The following ANKRD54 variants were observed in gnomAD, a reference collection of about 807,000 sequenced individuals.
ANKRD54 encodes ankyrin repeat domain 54.
A neutral mutation model predicts 36.2 loss-of-function variants in ANKRD54; 26 were observed. The observed-to-expected ratio is 0.72, with a 90% CI of 0.53 to 1.00. The LOEUF (loss-of-function observed/expected upper bound fraction) is 1.00. ANKRD54 is among the 50% of genes least tolerant of loss of function. ANKRD54 has a pLI of 0.00. For synonymous variants in ANKRD54, 209 were observed against 188.4 expected (o/e 1.11, Z -0.89); for missense variants, 384 against 424.3 (o/e 0.91, Z 0.83).
chr22:37,841,501 G>A (rs1315732388), intron 1 of ANKRD54, among the ~76,000 whole-genome samples: 4 of 150,996 alleles, frequency 2.6e-5, no homozygotes, highest in South Asian at 2.1e-4. Flanking sequence ...ACTCCAGCTC[G>A]GGCAACAGAG....
At position 37,831,803 on chromosome 22, in the gene ANKRD54, C is replaced by A; in HGVS notation, c.*140G>T. On this transcript the variant is annotated 3_prime_UTR_variant, in exon 8 of 8. Coordinates refer to ENST00000215941, the MANE Select transcript of ANKRD54 (RefSeq NM_138797.4). ...AGGCCGTGGAGAGAGAGCATCTCTGCCCCACGGCATCTGCGGGTGAGGGCA... is the reference window on the plus strand; with the variant it reads ...AGGCCGTGGAGAGAGAGCATCTCTGACCCACGGCATCTGCGGGTGAGGGCA... 1.3e-6 allele frequency: 1 copy of A among 792,532 alleles called. No homozygotes were observed. Among genetic ancestry groups the A allele is most frequent in the Non-Finnish European group, 2.0e-6 (1 of 501,986 alleles). 49.1% of individuals were successfully genotyped at this position (792,532 alleles called of 1,614,324 possible).
chr22:37,844,967 A>G (rs1307089486), upstream of ANKRD54, among the ~76,000 whole-genome samples: 1 of 151,922 alleles, frequency 6.6e-6, no homozygotes, highest in African/African-American at 2.4e-5. Flanking sequence ...TCACAAAGGA[A>G]AATGAAGAAG....
chr22:37,844,867 CT>C (rs1481496970), upstream of ANKRD54, among the ~76,000 whole-genome samples: 1 of 151,192 alleles, frequency 6.6e-6, no homozygotes, highest in African/African-American at 2.4e-5. Flanking sequence ...CGCGCCCGGC[CT>C]TTTTTTTTCT....
chr22:37,831,992 G>A lies in ANKRD54; in HGVS notation c.854C>T (p.Ala285Val), dbSNP rs374335758. The part of the protein sequence containing the change: ...EQVDEVTDLL[A>V]SFTSLSLQMQ... ...CTGCAGACTGAGGGAGGTGAAGCTG[G>A]CCAGGAGGTCAGTCACTTCATCCAC... The change falls in exon 8 of 8, where the codon GCC becomes GTC. Residue 285 changes from alanine (A) to valine (V), a missense_variant. Coordinates refer to ENST00000215941, the MANE Select transcript of ANKRD54 (RefSeq NM_138797.4). 1.9e-6 allele frequency: 3 copies of A among 1,613,400 alleles called. No homozygotes were observed. Among genetic ancestry groups the A allele is most frequent in the South Asian group, 1.1e-5 (1 of 90,904 alleles).
intron 7 of ANKRD54, 75 bp from the exon 8 acceptor site, chr22:37,832,092 C>T: frequency 7.0e-7 from 1 of 1,426,370 alleles, no homozygotes; most frequent in Non-Finnish European, 9.7e-7. Context: ...CACAATCCCA[C>T]AGGCACAGAA....
intron 4 of ANKRD54, 53 bp downstream of exon 4, chr22:37,833,631 A>C: frequency 1.3e-6 from 2 of 1,597,604 alleles, no homozygotes; most frequent in Non-Finnish European, 1.7e-6. Flanking sequence ...CTTCATCTAA[A>C]GAGCCTTTCT....
Position 37,840,212 on chromosome 22 carries a change from C to G in ANKRD54, c.351G>C (p.Ser117=), listed in dbSNP as rs780715015. ...EVHALKRLRD[S]ANANDVETVQ... ...CTGTTTCCACATCATTGGCATTGGC[C>G]GAGTCCCTCAGTCTCTTCAGAGCTG... is the stretch of plus-strand genomic sequence containing the variant. The change falls in exon 2 of 8, where the codon TCG becomes TCC. Residue 117 remains serine (S), a synonymous_variant. Transcript: ENST00000215941. The G allele has an allele frequency of 4.0e-5, 64 of 1,613,870 alleles. No homozygotes were observed. Among genetic ancestry groups the G allele is most frequent in the Non-Finnish European group, 5.1e-5 (60 of 1,179,942 alleles).
chr22:37,845,021 CAAA>C (rs10600027), upstream of ANKRD54, among the ~76,000 whole-genome samples: 5,402 of 119,056 alleles, frequency 0.045, 325 homozygotes, highest in African/African-American at 0.14. Flanking sequence ...TCAATGAACG[CAAA>C]AAAAAAAAAA....
chr22:37,839,419 G>A (rs1031760556), intron 2 of ANKRD54, among the ~76,000 whole-genome samples: 9 of 151,528 alleles, frequency 5.9e-5, no homozygotes, highest in Admixed American at 2.6e-4. Flanking sequence ...ACAGAATTTC[G>A]CTCTGTCGCG....
rs1199720069 is a variant in ANKRD54, at chr22:37,844,309, G to A, written c.-71C>T. 6.8e-7 allele frequency: 1 copy of A among 1,473,384 alleles called. No homozygotes were observed. The highest frequency in any genetic ancestry group is 9.1e-7 in the Non-Finnish European group (1 of 1,104,180). The allele number at this position is 1,473,384 out of a possible 1,614,324, so 91.3% of individuals were successfully genotyped here. On this transcript the variant is annotated 5_prime_UTR_variant, in exon 1 of 8. Coordinates refer to ENST00000215941, the MANE Select transcript of ANKRD54 (RefSeq NM_138797.4). ...CCGACCAACGGACCTACTTCCCTCCGCCCTGAGTCGTGCTGTCAGCGAGCT... is the reference window on the plus strand; with the variant it reads ...CCGACCAACGGACCTACTTCCCTCCACCCTGAGTCGTGCTGTCAGCGAGCT...
At chr22:37,848,161 C>T (rs1924949363), upstream of ANKRD54, 1 of 152,676 alleles carries the variant, frequency 6.5e-6, no homozygotes, top group Admixed American at 6.5e-5. Flanking sequence ...GGGCAGATGG[C>T]TAAACTAAGG....
chr22:37,831,894 G>A lies in ANKRD54; in HGVS notation c.*49C>T. 1 of 1,588,690 alleles carries A rather than the reference G, an allele frequency of 6.3e-7. No homozygotes were observed. Among genetic ancestry groups the A allele is most frequent in the Non-Finnish European group, 8.6e-7 (1 of 1,160,720 alleles). ...TGGGCTTTTTCTTGGTACTGAGACA[G>A]CAGTGGGGCAGGGTGGGGCAGTGGC... is the stretch of plus-strand genomic sequence containing the variant. On this transcript the variant is annotated 3_prime_UTR_variant, in exon 8 of 8. Transcript: ENST00000215941.
chr22:37,843,398 G>C (rs1924525694), intron 1 of ANKRD54, among the ~76,000 whole-genome samples: 1 of 151,896 alleles, frequency 6.6e-6, no homozygotes, highest in African/African-American at 2.4e-5. Flanking sequence ...ACTCCAGCCT[G>C]GGCAACAGAG....
intron 2 of ANKRD54, among the ~76,000 whole-genome samples, 178 bp downstream of exon 2, chr22:37,840,009 G>A (rs774875649): frequency 6.6e-6 from 1 of 152,244 alleles, no homozygotes; most frequent in African/African-American, 2.4e-5. Context: ...TGGGGAGAGT[G>A]AGTGTCTAAG....
chr22:37,837,302 C>CTAG (rs2145970960), intron 3 of ANKRD54, among the ~76,000 whole-genome samples: 1 of 152,206 alleles, frequency 6.6e-6, no homozygotes, highest in East Asian at 1.9e-4. Flanking sequence ...AATGCCATTC[C>CTAG]TAGGTTTATA....
At chr22:37,832,507 T>C in intron 7 of ANKRD54, 130 bp downstream of exon 7, 1 of 754,254 alleles carries the variant, frequency 1.3e-6, no homozygotes, top group Non-Finnish European at 2.2e-6. Flanking sequence ...GGATTACAGG[T>C]GTGAGCCCCT....
At chr22:37,840,049 C>G in intron 2 of ANKRD54, 138 bp downstream of exon 2, 2 of 991,642 alleles carry the variant, frequency 2.0e-6, no homozygotes, top group South Asian at 1.4e-5. Flanking sequence ...GATGACTGCA[C>G]AGTCAGACAA....
At chr22:37,834,697 CAAAAAAAAAAAAAAAAAAAA>C (rs67811223) in intron 3 of ANKRD54, 1 of 43,380 alleles carries the variant, frequency 2.3e-5, no homozygotes, top group African/African-American at 9.8e-5. Flanking sequence ...GACCCTGTCT[CAAAAAAAAAAAAAAAAAAAA>C]AAAAAAAAAA....
intron 2 of ANKRD54, among the ~76,000 whole-genome samples, chr22:37,838,934 A>G (rs1358868052): frequency 6.6e-6 from 1 of 152,112 alleles, no homozygotes; most frequent in African/African-American, 2.4e-5. Context: ...GCTTGGATAC[A>G]CATCCATTCT....
Sources: gnomAD v4.1 joint callset for allele counts (sites outside exome capture counted in the v4.1 genomes callset) on GRCh38, gnomAD v4.1.1 for gene constraint, MANE v1.5 for transcripts, NCBI Gene and HGNC (gene_info 2026-07-23, HGNC 2026-07-21) for gene names.